Variants in KCNN2 observed in about 807,000 individuals in gnomAD.
KCNN2 encodes the protein small conductance calcium-activated potassium channel protein 2.
A neutral mutation model predicts 55.5 loss-of-function variants in KCNN2; 24 were observed. That is an observed-to-expected ratio of 0.43 (90% CI 0.31 to 0.61). KCNN2 has a LOEUF of 0.61. KCNN2 is among the 20% of genes least tolerant of loss of function. The pLI is 0.08. For synonymous variants in KCNN2, 431 were observed against 336.1 expected, an observed-to-expected ratio of 1.28 and a Z score of -3.09; for missense variants, 754 against 853.6, an observed-to-expected ratio of 0.88 and a Z score of 1.45.
At chr5:114,482,120 G>A (rs1319066658) in intron 5 of KCNN2, among the ~76,000 whole-genome samples, 2 of 152,156 alleles carry the variant, frequency 1.3e-5, no homozygotes, top group East Asian at 1.9e-4. Context: ...GAAAATGTTT[G>A]CAATCTGTCC....
At chr5:114,200,726 C>T (rs1273691897) in intron 1 of KCNN2, among the ~76,000 whole-genome samples, 1 of 151,772 alleles carries the variant, frequency 6.6e-6, no homozygotes, top group Non-Finnish European at 1.5e-5. Flanking sequence ...GAGTAAGACA[C>T]TTTGGCCTTG....
intron 2 of KCNN2, among the ~76,000 whole-genome samples, chr5:114,232,642 T>A (rs1754385414): frequency 6.6e-6 from 1 of 150,700 alleles, no homozygotes; most frequent in Non-Finnish European, 1.5e-5. Context: ...TCTCTTTTTT[T>A]AAACTTTTAA....
chr5:114,438,924 A>G lies in KCNN2; in HGVS notation c.1638-24125A>G, dbSNP rs138742669. ...ATGAGTGCGTTGGAAAGCACATTTA[A>G]TAACTTTCTGTGGTGTCATTATAAA... On this transcript the variant is annotated intron_variant, in intron 3 of 7. Transcript: ENST00000673685. Among the ~76,000 whole-genome samples, 337 of 152,298 alleles carry G rather than the reference A, an allele frequency of 2.2e-3. 2 individuals carry two copies. Among genetic ancestry groups the G allele is most frequent in the African/African-American group, 8.0e-3 (331 of 41,556 alleles).
At chr5:114,123,144 GT>G (rs200637293) in intron 1 of KCNN2, among the ~76,000 whole-genome samples, 2 of 151,596 alleles carry the variant, frequency 1.3e-5, no homozygotes, top group East Asian at 1.9e-4. Context: ...CTGAGGCAGT[GT>G]TTTTTTTGCC....
intron 1 of KCNN2, among the ~76,000 whole-genome samples, chr5:114,202,093 G>A (rs749068817): frequency 1.8e-4 from 27 of 152,164 alleles, no homozygotes; most frequent in Admixed American, 3.9e-4. Flanking sequence ...TCCTGCCTCC[G>A]TGGAGGAATG....
At chr5:114,238,271 A>ATACAC (rs1754546487) in intron 2 of KCNN2, among the ~76,000 whole-genome samples, 1 of 152,210 alleles carries the variant, frequency 6.6e-6, no homozygotes, top group Non-Finnish European at 1.5e-5. Context: ...TCTAGAAAAT[A>ATACAC]TACACTATTT....
chr5:114,198,463 TAC>T (rs56335930), intron 1 of KCNN2, among the ~76,000 whole-genome samples: 6,442 of 147,842 alleles, frequency 0.044, 424 homozygotes, highest in African/African-American at 0.14. Context: ...TATATACATA[TAC>T]ACACACACAC....
At chr5:114,154,081 T>A (rs560428585) in intron 1 of KCNN2, among the ~76,000 whole-genome samples, 1 of 152,276 alleles carries the variant, frequency 6.6e-6, no homozygotes, top group South Asian at 2.1e-4. Flanking sequence ...TGCTTCTTTA[T>A]AAATAGCTTC....
chr5:114,150,893 T>C (rs1752507379), intron 1 of KCNN2, among the ~76,000 whole-genome samples: 1 of 152,048 alleles, frequency 6.6e-6, no homozygotes. Context: ...TGGTGGTGCA[T>C]GCCTGTAATC....
intron 2 of KCNN2, among the ~76,000 whole-genome samples, chr5:114,232,860 G>A (rs189720879): frequency 3.9e-4 from 58 of 149,804 alleles, no homozygotes; most frequent in Non-Finnish European, 7.1e-4. Context: ...GGAAGCAGGA[G>A]GGTGGTTTTG....
At chr5:114,085,915 G>C (rs111283327) in intron 1 of KCNN2, among the ~76,000 whole-genome samples, 1 of 151,888 alleles carries the variant, frequency 6.6e-6, no homozygotes, top group Admixed American at 6.6e-5. Context: ...CTGTCATTTG[G>C]TACATACACA....
At chr5:114,320,428 A>G (rs1756593137) in intron 2 of KCNN2, among the ~76,000 whole-genome samples, 1 of 152,082 alleles carries the variant, frequency 6.6e-6, no homozygotes, top group African/African-American at 2.4e-5. Flanking sequence ...CCTGGCTAAC[A>G]TGGTGAAACA....
intron 2 of KCNN2, among the ~76,000 whole-genome samples, chr5:114,290,808 A>G (rs982802953): frequency 3.9e-5 from 6 of 152,076 alleles, no homozygotes; most frequent in Non-Finnish European, 7.4e-5. Context: ...TTATCTCTAA[A>G]TATCTTCTAA....
intron 3 of KCNN2, among the ~76,000 whole-genome samples, chr5:114,417,101 C>G (rs866182090): frequency 6.6e-6 from 1 of 152,162 alleles, no homozygotes; most frequent in East Asian, 1.9e-4. Flanking sequence ...GGGCATCTTA[C>G]GAAATGAAAC....
At chr5:114,061,052 G>T (rs1267422278) in intron 1 of KCNN2, among the ~76,000 whole-genome samples, 1 of 152,150 alleles carries the variant, frequency 6.6e-6, no homozygotes, top group Non-Finnish European at 1.5e-5. Context: ...TAATTCATGG[G>T]CAGCTGGGAG....
chr5:114,217,887 C>T (rs555919796), intron 1 of KCNN2, among the ~76,000 whole-genome samples: 2 of 152,002 alleles, frequency 1.3e-5, no homozygotes, highest in Non-Finnish European at 2.9e-5. Flanking sequence ...ATACAAAGAA[C>T]TTAAAATTCA....
intron 4 of KCNN2, among the ~76,000 whole-genome samples, chr5:114,471,257 A>G (rs1011074328): frequency 3.3e-5 from 5 of 152,148 alleles, no homozygotes; most frequent in Non-Finnish European, 7.4e-5. Context: ...AGTCCTTTAT[A>G]AAATAGTGTA....
intron 2 of KCNN2, among the ~76,000 whole-genome samples, chr5:114,398,483 T>TG (rs1758688019): frequency 6.9e-6 from 1 of 145,410 alleles, no homozygotes; most frequent in African/African-American, 2.8e-5. Context: ...CCAGTATTGT[T>TG]GTTTTTTTTT....
At chr5:114,294,282 G>T (rs1410820033) in intron 2 of KCNN2, among the ~76,000 whole-genome samples, 5 of 152,040 alleles carry the variant, frequency 3.3e-5, no homozygotes, top group Non-Finnish European at 2.9e-5. Context: ...TAATTGTGAT[G>T]TTAGGGTGTC....
Sources: gnomAD v4.1 joint callset for allele counts (sites outside exome capture counted in the v4.1 genomes callset) on GRCh38, gnomAD v4.1.1 for gene constraint, MANE v1.5 for transcripts, NCBI Gene and HGNC (gene_info 2026-07-23, HGNC 2026-07-21) for gene names.